Variants in SEL1L2 observed in about 807,000 individuals in gnomAD.
SEL1L2 encodes the protein SEL1L2 adaptor subunit of SYVN1 ubiquitin ligase.
A neutral mutation model predicts 98.8 loss-of-function variants in SEL1L2; 89 were observed. The observed-to-expected ratio is 0.90, with a 90% CI of 0.76 to 1.07. The LOEUF is 1.07. SEL1L2 is among the 50% of genes least tolerant of loss of function. The pLI, the probability that SEL1L2 is intolerant of heterozygous loss-of-function variation, is 0.00. For synonymous variants in SEL1L2, 262 were observed against 278.5 expected, an observed-to-expected ratio of 0.94 and a Z score of 0.59; for missense variants, 788 against 812.0, an observed-to-expected ratio of 0.97 and a Z score of 0.36.
chr20:13,917,214 T>C (rs541584636), intron 4 of SEL1L2, among the ~76,000 whole-genome samples: 1 of 152,280 alleles, frequency 6.6e-6, no homozygotes, highest in East Asian at 1.9e-4. Context: ...GAGAACTCTC[T>C]GTTCTTACTT....
intron 2 of SEL1L2, among the ~76,000 whole-genome samples, chr20:13,947,612 C>T (rs572498535): frequency 1.2e-4 from 19 of 152,190 alleles, no homozygotes; most frequent in Non-Finnish European, 5.9e-5. Context: ...AGGGCTAAAA[C>T]ATGCCCCCCA....
chr20:13,978,341 C>CA (rs917552144), intron 1 of SEL1L2, among the ~76,000 whole-genome samples: 1 of 152,064 alleles, frequency 6.6e-6, no homozygotes, highest in South Asian at 2.1e-4. Context: ...ACAAGGCATA[C>CA]AAAAATCAAC....
At chr20:13,879,766 G>A (rs2046608290) in intron 10 of SEL1L2, among the ~76,000 whole-genome samples, 1 of 152,186 alleles carries the variant, frequency 6.6e-6, no homozygotes, top group Admixed American at 6.5e-5. Context: ...AGTGTCAGCT[G>A]GAGAGGAGAA....
At chr20:13,962,447 G>A (rs2050822508) in intron 1 of SEL1L2, among the ~76,000 whole-genome samples, 1 of 152,204 alleles carries the variant, frequency 6.6e-6, no homozygotes, top group African/African-American at 2.4e-5. Context: ...CATGTGGACA[G>A]AGAGGCCCAG....
chr20:13,880,939 A>G (rs2046672986), intron 10 of SEL1L2, among the ~76,000 whole-genome samples: 1 of 152,204 alleles, frequency 6.6e-6, no homozygotes, highest in Non-Finnish European at 1.5e-5. Flanking sequence ...GAAAATCTGT[A>G]GTTTAACCAG....
chr20:13,995,279 C>G (rs995061447), upstream of SEL1L2: 9 of 235,042 alleles, frequency 3.8e-5, no homozygotes, highest in East Asian at 1.3e-3. This position sits in a 1 kb window ranked among gnomAD's most constrained non-coding sequence, Gnocchi z 4.3. Flanking sequence ...GCTCCAGCCC[C>G]CTCGCTCCCT....
Position 13,956,151 on chromosome 20 carries a change from T to C in SEL1L2, c.59-20A>G. 7.6e-7 allele frequency: 1 copy of C among 1,314,642 alleles called. No individual in the cohort carries two copies. The allele number at this position is 1,314,642 out of a possible 1,614,324, so 81.4% of individuals were successfully genotyped here. On this transcript the variant is annotated intron_variant, in intron 1 of 19. Transcript: ENST00000284951. Reference sequence around the variant, plus strand: ...TGATAGCTGCAATACACAAAATTTTTTTATAAAATTTAAAAGCATTTTCTT... The same window carrying C: ...TGATAGCTGCAATACACAAAATTTTCTTATAAAATTTAAAAGCATTTTCTT...
At chr20:13,959,512 G>C (rs554289697) in intron 1 of SEL1L2, among the ~76,000 whole-genome samples, 2 of 152,180 alleles carry the variant, frequency 1.3e-5, no homozygotes, top group Non-Finnish European at 2.9e-5. Flanking sequence ...TCTTCTCCAG[G>C]ACAAGGCCTG....
rs181760650 is a variant in SEL1L2, at chr20:13,957,897, A to T, written c.59-1766T>A. Among the ~76,000 whole-genome samples the T allele has an allele frequency of 6.6e-5, 10 of 152,196 alleles. No homozygotes were observed. In the East Asian group the frequency reaches 1.9e-3, roughly 29 times the overall value. ...GTCTTAAATAAATAAATATTCAAAA[A>T]CTGCCTGGTAAGCAAGGCATTACTA... On this transcript the variant is annotated intron_variant, in intron 1 of 19. Transcript: ENST00000284951.
intron 4 of SEL1L2, among the ~76,000 whole-genome samples, chr20:13,916,347 C>T (rs776404337): frequency 5.3e-5 from 8 of 152,174 alleles, no homozygotes; most frequent in Non-Finnish European, 7.3e-5. Flanking sequence ...AATCATTTTT[C>T]TCTCCACCTG....
In SEL1L2 at chr20:13,886,272, C is replaced by T; in HGVS notation, c.900+16G>A. 3.2e-6 allele frequency: 5 copies of T among 1,585,352 alleles called. No homozygotes were observed. The highest frequency in any genetic ancestry group is 3.4e-6 in the Non-Finnish European group (4 of 1,160,510). The stretch of plus-strand genomic sequence containing the variant: ...TTTTCATGTTCTAAAAACTCAATCT[C>T]ATCTGTATACATTACTTGTATCTGA... On this transcript the variant is annotated intron_variant, in intron 9 of 19. Transcript: ENST00000284951.
intron 3 of SEL1L2, among the ~76,000 whole-genome samples, chr20:13,920,055 C>G (rs2048585051): frequency 6.6e-6 from 1 of 151,818 alleles, no homozygotes; most frequent in South Asian, 2.1e-4. Flanking sequence ...ATGGTGAAAC[C>G]CTGTCTCTAC....
chr20:13,876,441 T>C (rs1466965330), intron 11 of SEL1L2, among the ~76,000 whole-genome samples: 1 of 148,026 alleles, frequency 6.8e-6, no homozygotes, highest in Non-Finnish European at 1.5e-5. Flanking sequence ...CTACATTTAC[T>C]GTATGTTGCA....
intron 5 of SEL1L2, among the ~76,000 whole-genome samples, chr20:13,907,317 T>C (rs1489886431): frequency 6.6e-6 from 1 of 152,120 alleles, no homozygotes; most frequent in African/African-American, 2.4e-5. Flanking sequence ...GTGATCCCAG[T>C]GCTTTGGAAA....
chr20:13,974,475 C>CTCTTTT (rs71335938), intron 1 of SEL1L2, among the ~76,000 whole-genome samples: 17 of 80,194 alleles, frequency 2.1e-4, no homozygotes, highest in Non-Finnish European at 2.6e-4. Context: ...CTCTCTCTCT[C>CTCTTTT]TTTTTTTTTT....
In SEL1L2 at chr20:13,919,698, C is replaced by A. The variant is rs2048567159; in HGVS notation, c.284-575G>T. Among the ~76,000 whole-genome samples the A allele has an allele frequency of 2.6e-5, 4 of 152,078 alleles. 1 individual carries two copies. Among genetic ancestry groups the A allele is most frequent in the African/African-American group, 9.7e-5 (4 of 41,400 alleles). On this transcript the variant is annotated intron_variant, in intron 3 of 19. Transcript: ENST00000284951. Reference sequence around the variant, plus strand: ...CTTTGGGAGGCCGAGGTGGGTGGATCATGAAGTAAGGAGTTCAAGACCAGC... The same window carrying A: ...CTTTGGGAGGCCGAGGTGGGTGGATAATGAAGTAAGGAGTTCAAGACCAGC...
In SEL1L2 at chr20:13,849,296, G is replaced by T; in HGVS notation, c.*189C>A. 3.1e-6 allele frequency: 2 copies of T among 643,008 alleles called. No homozygotes were observed. The highest frequency in any genetic ancestry group is 2.6e-6 in the Non-Finnish European group (1 of 386,514). The allele number at this position is 643,008 out of a possible 1,614,324, so 39.8% of individuals were successfully genotyped here. On this transcript the variant is annotated 3_prime_UTR_variant, in exon 20 of 20. Transcript: ENST00000284951. ...ACCAGTTCCCAGCATCCCGCAAAGG[G>T]TTTTCTCTACTAAGCAGGAAGTCTG...
At chr20:13,858,924 G>C (rs1989595697) in intron 18 of SEL1L2, among the ~76,000 whole-genome samples, 1 of 152,150 alleles carries the variant, frequency 6.6e-6, no homozygotes, top group African/African-American at 2.4e-5. Context: ...AATTTTAATG[G>C]AAAGAAAGGC....
At chr20:13,937,176 C>T (rs1199985801) in intron 2 of SEL1L2, among the ~76,000 whole-genome samples, 1 of 152,234 alleles carries the variant, frequency 6.6e-6, no homozygotes, top group Non-Finnish European at 1.5e-5. Context: ...CCCCAAGACT[C>T]CTCAGTATCA....
Sources: allele counts gnomAD v4.1 joint callset (sites outside exome capture counted in the v4.1 genomes callset), GRCh38; gene constraint gnomAD v4.1.1; non-coding constraint Gnocchi (gnomAD v3.1); transcripts MANE v1.5; gene names NCBI Gene and HGNC (gene_info 2026-07-23, HGNC 2026-07-21).